The following ITFG2 variants were observed in gnomAD, a reference collection of about 807,000 sequenced individuals.
ITFG2 encodes integrin alpha FG-GAP repeat containing 2, also known as KICSTOR complex protein ITFG2.
Under a neutral mutation model 54.4 loss-of-function variants are expected in ITFG2, and 36 were observed. That is an observed-to-expected ratio of 0.66 (90% CI 0.51 to 0.87). The LOEUF (loss-of-function observed/expected upper bound fraction) is 0.87, where lower values mean the gene tolerates loss of function less well. Among genes scored for constraint, ITFG2 ranks in the 40% least tolerant of loss-of-function variants. The pLI, the probability that ITFG2 is intolerant of heterozygous loss-of-function variation, is 0.00. For synonymous variants in ITFG2, 211 were observed against 225.4 expected (o/e 0.94, Z 0.57); for missense variants, 524 against 576.7 (o/e 0.91, Z 0.94).
intron 3 of ITFG2, chr12:2,858,697 C>T (rs754849672): frequency 3.7e-6 from 6 of 1,614,128 alleles, no homozygotes; most frequent in Admixed American, 1.7e-5. Context: ...AGTGGGTCCT[C>T]GTCCAGGCCA....
rs553206245 is a variant in ITFG2 at position 2,842,827 on chromosome 12, C to G, written n.300+1832C>G. ...AAATAGATTCTACAGCTCCTTTCCT[C>G]TTTCCTGATAGAATCTCAATTCTCT... is the stretch of plus-strand genomic sequence containing the variant. On this transcript the variant is annotated intron_variant and non_coding_transcript_variant, in intron 2 of 3. Transcript: ENST00000537710. Among the ~76,000 whole-genome samples the G allele has an allele frequency of 2.0e-4, 30 of 152,292 alleles. No homozygotes were observed. In the South Asian group the frequency reaches 5.8e-3, roughly 29 times the overall value.
At chr12:2,835,057 C>T, upstream of ITFG2, 2 of 1,452,520 alleles carry the variant, frequency 1.4e-6, no homozygotes, top group South Asian at 1.4e-5. Flanking sequence ...TGGAAAAACC[C>T]AGTCCTAGAA....
chr12:2,827,120 G>A (rs12315570), downstream of ITFG2: 3 of 1,592,122 alleles, frequency 1.9e-6, no homozygotes, highest in South Asian at 2.3e-5. The surrounding 1 kb of genome is among the most constrained non-coding windows in gnomAD (Gnocchi z 4.0). Flanking sequence ...ATAGTCCCCA[G>A]CTACCTGGCT....
In ITFG2 at chr12:2,813,166, G is replaced by A. The variant is rs112273042; in HGVS notation, c.96+310G>A. ...ATTCTCCTACCTCAGCCTCCCAAGGGGCTGGGATTACAGGCGCCCGCCACC... is the reference window on the plus strand; with the variant it reads ...ATTCTCCTACCTCAGCCTCCCAAGGAGCTGGGATTACAGGCGCCCGCCACC... On this transcript the variant is annotated intron_variant, in intron 1 of 11. Transcript: ENST00000228799. Among the ~76,000 whole-genome samples the A allele has an allele frequency of 3.5e-4, 54 of 152,258 alleles. No homozygotes were observed. In the South Asian group the frequency reaches 9.1e-3, roughly 26 times the overall value.
downstream of ITFG2, chr12:2,827,107 A>C (rs1256866740): frequency 5.7e-6 from 9 of 1,568,478 alleles, no homozygotes; most frequent in Non-Finnish European, 6.9e-6. The surrounding 1 kb of genome is among the most constrained non-coding windows in gnomAD (Gnocchi z 4.0). Context: ...AAGGGCAGAC[A>C]CCATAGTCCC....
intron 1 of ITFG2, among the ~76,000 whole-genome samples, chr12:2,815,808 C>T (rs1163914573): frequency 6.6e-6 from 1 of 152,188 alleles, no homozygotes; most frequent in East Asian, 1.9e-4. Flanking sequence ...CTAACACACA[C>T]ACCCCTAAAT....
At chr12:2,854,007 G>A (rs754055660) in intron 2 of ITFG2, among the ~76,000 whole-genome samples, 1 of 152,208 alleles carries the variant, frequency 6.6e-6, no homozygotes, top group Non-Finnish European at 1.5e-5. Context: ...TTTCTGTAAC[G>A]ACATCTAACT....
At chr12:2,855,062 A>G in intron 2 of ITFG2, 5 of 1,536,042 alleles carry the variant, frequency 3.3e-6, no homozygotes, top group African/African-American at 1.4e-5. Context: ...CAGTGGATGA[A>G]GGTCAGGAAG....
intron 2 of ITFG2, chr12:2,830,631 C>T: frequency 1.4e-6 from 2 of 1,469,292 alleles, no homozygotes; most frequent in Non-Finnish European, 9.2e-7. Context: ...CCCATCAGGG[C>T]AGAGCAGAAA....
chr12:2,832,009 T>C (rs1452909176), upstream of ITFG2, among the ~76,000 whole-genome samples: 1 of 152,090 alleles, frequency 6.6e-6, no homozygotes, highest in East Asian at 1.9e-4. Context: ...ACCTTTCAAA[T>C]ACATCTGCTT....
At chr12:2,857,236 A>G in intron 2 of ITFG2, 1 of 583,048 alleles carries the variant, frequency 1.7e-6, no homozygotes, top group Non-Finnish European at 3.1e-6. Flanking sequence ...TCAAGTTCTG[A>G]CTGCAAAAAA....
At chr12:2,853,016 C>CA (rs200264720) in intron 2 of ITFG2, among the ~76,000 whole-genome samples, 3,841 of 149,544 alleles carry the variant, frequency 0.026, 55 homozygotes, top group Admixed American at 0.034. Context: ...AAAGAAACAA[C>CA]AAAAAAAAAC....
intron 9 of ITFG2, among the ~76,000 whole-genome samples, chr12:2,822,408 T>C (rs1331464906): frequency 6.6e-6 from 1 of 152,140 alleles, no homozygotes; most frequent in Non-Finnish European, 1.5e-5. Flanking sequence ...TCCAGAGGCA[T>C]ATTTTGTAGG....
chr12:2,854,197 G>A (rs1423817822), intron 2 of ITFG2, among the ~76,000 whole-genome samples: 1 of 151,908 alleles, frequency 6.6e-6, no homozygotes, highest in African/African-American at 2.4e-5. Context: ...GGCTAATTTT[G>A]TATTTTTAGT....
chr12:2,820,288 G>A lies in ITFG2; in HGVS notation c.546+63G>A. 8.0e-6 allele frequency: 12 copies of A among 1,493,364 alleles called. 1 individual carries two copies. In the South Asian group the frequency reaches 1.4e-4, roughly 17 times the overall value. 92.5% of individuals were successfully genotyped at this position (1,493,364 alleles called of 1,614,324 possible). ...CTGGGAGGAAGGTCTCCTGGAGGAG[G>A]TAGTGGGAGAGCAGTCATGGGACAG... On this transcript the variant is annotated intron_variant, in intron 5 of 11. Coordinates refer to ENST00000228799, the MANE Select transcript of ITFG2 (RefSeq NM_018463.4).
At chr12:2,848,881 A>ACG (rs1262955751) in intron 2 of ITFG2, among the ~76,000 whole-genome samples, 3 of 132,814 alleles carry the variant, frequency 2.3e-5, no homozygotes, top group Non-Finnish European at 5.1e-5. Context: ...ACACACGCAC[A>ACG]CACACACACA....
chr12:2,830,892 A>C, exon 3 of ITFG2: 1 of 1,604,246 alleles, frequency 6.2e-7, no homozygotes, highest in East Asian at 2.2e-5. Context: ...GAAGGTAGGC[A>C]GTTCTAAACC....
exon 4 of ITFG2, chr12:2,859,686 G>A (rs1365107315): frequency 6.4e-7 from 1 of 1,571,120 alleles, no homozygotes; most frequent in East Asian, 2.2e-5. Flanking sequence ...CAGAGATAAG[G>A]TGAACCAACG....
intron 1 of ITFG2, among the ~76,000 whole-genome samples, chr12:2,839,919 C>T (rs1230183138): frequency 5.9e-5 from 9 of 151,922 alleles, no homozygotes; most frequent in African/African-American, 1.9e-4. Context: ...CAAATGGACA[C>T]GAAGATGGGA....
Sources: allele counts gnomAD v4.1 joint callset (sites outside exome capture counted in the v4.1 genomes callset), GRCh38; gene constraint gnomAD v4.1.1; non-coding constraint Gnocchi (gnomAD v3.1); transcripts MANE v1.5; gene names NCBI Gene and HGNC (gene_info 2026-07-23, HGNC 2026-07-21).